Variants in RFTN1 observed in about 807,000 individuals in gnomAD.
RFTN1 encodes the protein raftlin, lipid raft linker 1.
Under a neutral mutation model 46.5 loss-of-function variants are expected in RFTN1, and 26 were observed. That is an observed-to-expected ratio of 0.56 (90% CI 0.41 to 0.78). The LOEUF is 0.78. RFTN1 is among the 30% of genes least tolerant of loss of function. The pLI is 0.00. For missense variants in RFTN1, 693 were observed against 718.7 expected (o/e 0.96, Z 0.41); for synonymous variants, 261 against 284.2 (o/e 0.92, Z 0.82).
intron 4 of RFTN1, among the ~76,000 whole-genome samples, chr3:16,378,620 G>C (rs148132353): frequency 6.6e-6 from 1 of 152,274 alleles, no homozygotes; most frequent in East Asian, 1.9e-4. Flanking sequence ...TGGCAGAGAA[G>C]GGCAGAGGTG....
At chr3:16,505,251 C>T (rs1054788813) in intron 1 of RFTN1, among the ~76,000 whole-genome samples, 1 of 152,192 alleles carries the variant, frequency 6.6e-6, no homozygotes, top group Non-Finnish European at 1.5e-5. Flanking sequence ...AGTCCTACCT[C>T]CCATTGTTTC....
At position 16,382,845 on chromosome 3, in the gene RFTN1, T is replaced by C. The variant is rs758525434; in HGVS notation, c.442-4743A>G. On this transcript the variant is annotated intron_variant, in intron 4 of 9. Transcript: ENST00000334133. This position sits in a 1 kb window ranked among gnomAD's most constrained non-coding sequence, Gnocchi z 4.7. ...CATCATCTGTTGCTGGACATCACCA[T>C]GACCTCAGGCGATGCCAGGGTCTTC... 6.6e-6 allele frequency among the ~76,000 whole-genome samples: 1 copy of C among 152,210 alleles called. No individual in the cohort carries two copies. The highest frequency in any genetic ancestry group is 1.5e-5 in the Non-Finnish European group (1 of 68,040).
rs1445608075 is a variant in RFTN1, at chr3:16,513,313, A to G, written c.-9+129T>C. 10 of 152,704 alleles carry G rather than the reference A, an allele frequency of 6.5e-5. No homozygotes were observed. The East Asian group carries it at 1.9e-3, about 29-fold the overall frequency. The allele number at this position is 152,704 out of a possible 1,614,324, so 9.5% of individuals were successfully genotyped here. On this transcript the variant is annotated intron_variant, in intron 1 of 9. Coordinates refer to ENST00000334133, the MANE Select transcript of RFTN1 (RefSeq NM_015150.2). This position sits in a 1 kb window ranked among gnomAD's most constrained non-coding sequence, Gnocchi z 5.4. ...CTCTGGCAGCTCCGGAGCCCCGGCAAAGAGCAACCTGCAGGGAGGCGCCAC... is the reference window on the plus strand; with the variant it reads ...CTCTGGCAGCTCCGGAGCCCCGGCAGAGAGCAACCTGCAGGGAGGCGCCAC...
intron 8 of RFTN1, among the ~76,000 whole-genome samples, chr3:16,325,700 C>T (rs1000635087): frequency 6.6e-6 from 1 of 152,156 alleles, no homozygotes; most frequent in African/African-American, 2.4e-5. Context: ...AAAGTGGCCG[C>T]AGACTGGCTC....
At chr3:16,319,056 G>A (rs1219055801) in intron 9 of RFTN1, among the ~76,000 whole-genome samples, 3 of 152,188 alleles carry the variant, frequency 2.0e-5, no homozygotes, top group Admixed American at 1.3e-4. Flanking sequence ...CAGGCACCGT[G>A]TTATGGTTCG....
chr3:16,437,942 T>C (rs2125504371), intron 2 of RFTN1, among the ~76,000 whole-genome samples: 1 of 152,300 alleles, frequency 6.6e-6, no homozygotes, highest in Admixed American at 6.5e-5. Context: ...ACAGTTTGTT[T>C]TATTTGAAAA....
chr3:16,319,078 C>T (rs1280443031), intron 9 of RFTN1, among the ~76,000 whole-genome samples: 1 of 152,188 alleles, frequency 6.6e-6, no homozygotes, highest in African/African-American at 2.4e-5. Context: ...AACTGCTGCC[C>T]TGTGTTAGGC....
rs988817781 is a variant in RFTN1 at position 16,374,926 on chromosome 3, C to T, written c.826+2792G>A. ...AGCCCGCAGAGATGGGGAGGGACGACCTGCCCCTGCTTCCGCATGGAGAAT... is the reference window on the plus strand; with the variant it reads ...AGCCCGCAGAGATGGGGAGGGACGATCTGCCCCTGCTTCCGCATGGAGAAT... On this transcript the variant is annotated intron_variant, in intron 5 of 9. Transcript: ENST00000334133. The surrounding 1 kb of genome is among the most constrained non-coding windows in gnomAD (Gnocchi z 5.4). 2.6e-5 allele frequency among the ~76,000 whole-genome samples: 4 copies of T among 152,154 alleles called. No homozygotes were observed. The highest frequency in any genetic ancestry group is 9.7e-5 in the African/African-American group (4 of 41,438).
chr3:16,469,046 T>C (rs1273883546), intron 2 of RFTN1, among the ~76,000 whole-genome samples: 2 of 152,242 alleles, frequency 1.3e-5, no homozygotes, highest in African/African-American at 2.4e-5. Context: ...AGTTCCCGCC[T>C]ATCCCACGTC....
rs2071017575 is a variant in RFTN1 at position 16,337,902 on chromosome 3, A to G, written c.1147-11026T>C. On this transcript the variant is annotated intron_variant, in intron 7 of 9. Coordinates refer to ENST00000334133, the MANE Select transcript of RFTN1 (RefSeq NM_015150.2). The surrounding 1 kb of genome is among the most constrained non-coding windows in gnomAD (Gnocchi z 5.0). The stretch of plus-strand genomic sequence containing the variant: ...AGGCCGGACACTTTGGCCTTGCATT[A>G]CCTCTGGAGCCCTGAAGTCTAATTT... Among the ~76,000 whole-genome samples, 1 of 152,046 alleles carries G rather than the reference A, an allele frequency of 6.6e-6. No individual in the cohort carries two copies. The highest frequency in any genetic ancestry group is 6.5e-5 in the Admixed American group (1 of 15,278).
At position 16,504,857 on chromosome 3, in the gene RFTN1, C is replaced by T. The variant is rs553052966; in HGVS notation, c.-9+8585G>A. 1.8e-4 allele frequency among the ~76,000 whole-genome samples: 27 copies of T among 152,204 alleles called. No homozygotes were observed. The South Asian group carries it at 5.4e-3, about 30-fold the overall frequency. On this transcript the variant is annotated intron_variant, in intron 1 of 9. Transcript: ENST00000334133. The surrounding 1 kb of genome is among the most constrained non-coding windows in gnomAD (Gnocchi z 4.4). ...TCTCAGCACTTCTGGAAGAATATGCCCCACAGAATGCAGCACCTTGCCCAA... is the reference window on the plus strand; with the variant it reads ...TCTCAGCACTTCTGGAAGAATATGCTCCACAGAATGCAGCACCTTGCCCAA...
At position 16,353,694 on chromosome 3, in the gene RFTN1, C is replaced by G. The variant is rs1368099079; in HGVS notation, c.1146+4238G>C. 1.3e-5 allele frequency among the ~76,000 whole-genome samples: 2 copies of G among 152,126 alleles called. No individual in the cohort carries two copies. Among genetic ancestry groups the G allele is most frequent in the East Asian group, 3.9e-4 (2 of 5,192 alleles). On this transcript the variant is annotated intron_variant, in intron 7 of 9. Transcript: ENST00000334133. The surrounding 1 kb of genome is among the most constrained non-coding windows in gnomAD (Gnocchi z 5.4). Reference sequence around the variant, plus strand: ...GTTAAATGAAGTCATACGCATGGGACCCTGATTGAACAGGATTAGTGTCCT... The same window carrying G: ...GTTAAATGAAGTCATACGCATGGGAGCCTGATTGAACAGGATTAGTGTCCT...
At chr3:16,453,001 CAAT>C (rs2075845718) in intron 2 of RFTN1, among the ~76,000 whole-genome samples, 1 of 152,172 alleles carries the variant, frequency 6.6e-6, no homozygotes, top group South Asian at 2.1e-4. Context: ...ACAACAGTAA[CAAT>C]GATAGCTACC....
intron 4 of RFTN1, among the ~76,000 whole-genome samples, chr3:16,405,949 G>A (rs763403291): frequency 2.0e-5 from 3 of 152,060 alleles, no homozygotes; most frequent in Non-Finnish European, 4.4e-5. Flanking sequence ...GCTTCATCTT[G>A]ACCTAACTGA....
chr3:16,348,326 G>A lies in RFTN1; in HGVS notation c.1146+9606C>T, dbSNP rs2071872322. On this transcript the variant is annotated intron_variant, in intron 7 of 9. Transcript: ENST00000334133. This position sits in a 1 kb window ranked among gnomAD's most constrained non-coding sequence, Gnocchi z 6.3. The stretch of plus-strand genomic sequence containing the variant: ...CATTATCTATTATTGAAGGCATCTA[G>A]GAGATCATCCACATTATCCAATATG... 6.6e-6 allele frequency among the ~76,000 whole-genome samples: 1 copy of A among 151,768 alleles called. No individual in the cohort carries two copies. The highest frequency in any genetic ancestry group is 1.5e-5 in the Non-Finnish European group (1 of 67,996).
Position 16,320,030 on chromosome 3 carries a change from C to T in RFTN1, c.1333-2798G>A, listed in dbSNP as rs150168994. Among the ~76,000 whole-genome samples, 22 of 152,322 alleles carry T rather than the reference C, an allele frequency of 1.4e-4. No individual in the cohort carries two copies. The highest frequency in any genetic ancestry group is 3.8e-4 in the African/African-American group (16 of 41,574). On this transcript the variant is annotated intron_variant, in intron 9 of 9. Transcript: ENST00000334133. This position sits in a 1 kb window ranked among gnomAD's most constrained non-coding sequence, Gnocchi z 4.5. ...GGGTGTGTCACCAAATCCAATTAGC[C>T]GCCCAATTCAGAAATAACTGTCTAA...
rs2076328166 is a variant in RFTN1, at chr3:16,479,176, A to C, written c.145+14549T>G. On this transcript the variant is annotated intron_variant, in intron 2 of 9. Transcript: ENST00000334133. This position sits in a 1 kb window ranked among gnomAD's most constrained non-coding sequence, Gnocchi z 5.1. The stretch of plus-strand genomic sequence containing the variant: ...TGTATAGTACTCTAACATTCCTTGC[A>C]GGTAGGAGAACAAAACCTTGGCTGG... 6.6e-6 allele frequency among the ~76,000 whole-genome samples: 1 copy of C among 152,232 alleles called. No homozygotes were observed. The highest frequency in any genetic ancestry group is 1.5e-5 in the Non-Finnish European group (1 of 68,042).
In RFTN1 at chr3:16,428,588, G is replaced by C. The variant is rs2075328055; in HGVS notation, c.332+5263C>G. Reference sequence around the variant, plus strand: ...AAAAGGTGCCTGATAAATGTCCACAGAGCTCCCTAGTATGCTGGTCCCTGT... The same window carrying C: ...AAAAGGTGCCTGATAAATGTCCACACAGCTCCCTAGTATGCTGGTCCCTGT... On this transcript the variant is annotated intron_variant, in intron 3 of 9. Transcript: ENST00000334133. This position sits in a 1 kb window ranked among gnomAD's most constrained non-coding sequence, Gnocchi z 4.7. Among the ~76,000 whole-genome samples, 1 of 152,146 alleles carries C rather than the reference G, an allele frequency of 6.6e-6. No homozygotes were observed. Among genetic ancestry groups the C allele is most frequent in the Admixed American group, 6.5e-5 (1 of 15,276 alleles).
At chr3:16,395,108 T>C (rs1464297709) in intron 4 of RFTN1, among the ~76,000 whole-genome samples, 2 of 152,248 alleles carry the variant, frequency 1.3e-5, no homozygotes, top group African/African-American at 2.4e-5. Flanking sequence ...AAAATATGCA[T>C]GTGCAATTAA....
Sources: gnomAD v4.1 joint callset for allele counts (sites outside exome capture counted in the v4.1 genomes callset) on GRCh38, gnomAD v4.1.1 for gene constraint, Gnocchi (gnomAD v3.1) non-coding constraint, MANE v1.5 for transcripts, NCBI Gene and HGNC (gene_info 2026-07-23, HGNC 2026-07-21) for gene names.